Variants in RUNX2 observed in about 807,000 individuals in gnomAD.
The protein encoded by RUNX2 is runt-related transcription factor 2.
RUNX2 carries 10 observed loss-of-function variants against 51.7 expected under a neutral mutation model. The ratio of observed to expected loss-of-function variants is 0.19; its 90% CI spans 0.12 to 0.33. RUNX2 has a LOEUF of 0.33. Ranked by LOEUF, RUNX2 falls within the 10% of genes least tolerant of loss-of-function variation. The pLI, the probability that RUNX2 is intolerant of heterozygous loss-of-function variation, is 1.00. For missense variants in RUNX2, 562 were observed against 691.3 expected (o/e 0.81, Z 2.10); for synonymous variants, 276 against 273.6 (o/e 1.01, Z -0.09).
intron 7 of RUNX2, among the ~76,000 whole-genome samples, chr6:45,528,263 C>T (rs1236947422): frequency 1.3e-5 from 2 of 152,132 alleles, no homozygotes; most frequent in Non-Finnish European, 2.9e-5. Flanking sequence ...TATCAACATT[C>T]TTCTCATTCT....
At chr6:45,418,230 A>G (rs1798106551) in intron 2 of RUNX2, among the ~76,000 whole-genome samples, 1 of 152,232 alleles carries the variant, frequency 6.6e-6, no homozygotes, top group Non-Finnish European at 1.5e-5. Context: ...TAAAAGGCCT[A>G]TGGGTTCTGT....
chr6:45,382,429 T>C (rs1797261087), intron 2 of RUNX2, among the ~76,000 whole-genome samples: 1 of 152,218 alleles, frequency 6.6e-6, no homozygotes, highest in Non-Finnish European at 1.5e-5. Flanking sequence ...ATGGGGAAGA[T>C]GTCATTTTTA....
At chr6:45,351,566 C>T (rs1442918009) in intron 2 of RUNX2, among the ~76,000 whole-genome samples, 1 of 152,114 alleles carries the variant, frequency 6.6e-6, no homozygotes, top group Admixed American at 6.6e-5. Context: ...CAAGGTGATA[C>T]TTGTATTTTC....
At chr6:45,474,593 G>C (rs1474824825) in intron 5 of RUNX2, among the ~76,000 whole-genome samples, 1 of 151,948 alleles carries the variant, frequency 6.6e-6, no homozygotes, top group Non-Finnish European at 1.5e-5. Flanking sequence ...GTTTAGTCTG[G>C]CTGTTGGTAA....
Position 45,462,259 on chromosome 6 carries a change from T to G in RUNX2, c.685+24208T>G, listed in dbSNP as rs9369562. Among the ~76,000 whole-genome samples the G allele has an allele frequency of 1.2e-4, 19 of 152,386 alleles. No individual in the cohort carries two copies. In the East Asian group the frequency reaches 3.7e-3, roughly 29 times the overall value. ...TCTACTTCTAATTCAGTGAAAGTGC[T>G]GCTTGGATCCTTTCCAGGGAAATAA... On this transcript the variant is annotated intron_variant, in intron 5 of 8. Transcript: ENST00000647337.
At chr6:45,437,203 G>A (rs1417163716) in intron 4 of RUNX2, among the ~76,000 whole-genome samples, 1 of 152,180 alleles carries the variant, frequency 6.6e-6, no homozygotes, top group Non-Finnish European at 1.5e-5. Context: ...ATATTTCAAT[G>A]AAGCACACCT....
intron 2 of RUNX2, among the ~76,000 whole-genome samples, chr6:45,364,127 AT>A (rs1192782162): frequency 6.8e-6 from 1 of 146,036 alleles, no homozygotes; most frequent in South Asian, 2.2e-4. Context: ...AAAAAAAAAA[AT>A]TTAATAATAA....
intron 2 of RUNX2, among the ~76,000 whole-genome samples, chr6:45,378,918 A>G (rs903569236): frequency 6.6e-6 from 1 of 152,134 alleles, no homozygotes; most frequent in Admixed American, 6.6e-5. Context: ...TCACCTTCAC[A>G]CCTGTGTTGT....
intron 2 of RUNX2, among the ~76,000 whole-genome samples, chr6:45,404,970 T>C (rs1296767031): frequency 6.6e-6 from 1 of 152,232 alleles, no homozygotes; most frequent in Non-Finnish European, 1.5e-5. Flanking sequence ...TGCTGGAAAA[T>C]TTTTCATTGA....
At chr6:45,512,097 A>G (rs952882552) in intron 6 of RUNX2, 149 bp from the exon 7 acceptor site, 16 of 673,434 alleles carry the variant, frequency 2.4e-5, no homozygotes, top group Admixed American at 5.4e-5. Context: ...TATAAGAGAT[A>G]AATAGCCATT....
intron 4 of RUNX2, among the ~76,000 whole-genome samples, chr6:45,433,858 A>T (rs967958860): frequency 1.3e-5 from 2 of 152,172 alleles, no homozygotes; most frequent in African/African-American, 4.8e-5. Flanking sequence ...TCTTTTGATG[A>T]AGTGTAATTA....
At chr6:45,471,366 G>A (rs1353704082) in intron 5 of RUNX2, among the ~76,000 whole-genome samples, 2 of 151,920 alleles carry the variant, frequency 1.3e-5, no homozygotes, top group East Asian at 3.9e-4. Context: ...TGAAAAGCAG[G>A]GTGTTTTGTG....
chr6:45,428,838 C>T (rs1446917289), intron 3 of RUNX2, among the ~76,000 whole-genome samples: 10 of 131,046 alleles, frequency 7.6e-5, no homozygotes, highest in Admixed American at 1.6e-4. Context: ...GGGCAGATTG[C>T]TTTTTTTTTT....
intron 2 of RUNX2, among the ~76,000 whole-genome samples, chr6:45,362,818 T>G (rs1283391456): frequency 6.6e-6 from 1 of 150,772 alleles, no homozygotes; most frequent in Non-Finnish European, 1.5e-5. Context: ...AAGAAAGTGC[T>G]GAATTTAGCC....
intron 2 of RUNX2, among the ~76,000 whole-genome samples, chr6:45,376,646 T>C (rs1796817897): frequency 6.6e-6 from 1 of 152,202 alleles, no homozygotes; most frequent in African/African-American, 2.4e-5. Context: ...TAAGAAACTT[T>C]CCATAGCACA....
chr6:45,512,418 T>C lies in RUNX2; in HGVS notation c.1021+11T>C, dbSNP rs761301062. 2 of 1,613,550 alleles carry C rather than the reference T, an allele frequency of 1.2e-6. No homozygotes were observed. Among genetic ancestry groups the C allele is most frequent in the African/African-American group, 2.7e-5 (2 of 74,884 alleles). On this transcript the variant is annotated intron_variant, in intron 7 of 8. Coordinates refer to ENST00000647337, the MANE Select transcript of RUNX2 (RefSeq NM_001024630.4). ...CTAGGCGCATTTCAGGTAAAGACCG[T>C]GCTTTAACTAAAAATCCATCCCTGC...
At chr6:45,488,991 A>G (rs1017066213) in intron 5 of RUNX2, among the ~76,000 whole-genome samples, 4 of 152,262 alleles carry the variant, frequency 2.6e-5, no homozygotes, top group Non-Finnish European at 4.4e-5. Flanking sequence ...TTCGAGTGTT[A>G]CCCTGATGTG....
intron 2 of RUNX2, among the ~76,000 whole-genome samples, chr6:45,350,289 A>G (rs1427776309): frequency 6.6e-6 from 1 of 152,240 alleles, no homozygotes; most frequent in African/African-American, 2.4e-5. Flanking sequence ...AACAAAAAAC[A>G]TTTGTATATA....
At chr6:45,455,120 A>G (rs529868577) in intron 5 of RUNX2, among the ~76,000 whole-genome samples, 1 of 152,322 alleles carries the variant, frequency 6.6e-6, no homozygotes, top group East Asian at 1.9e-4. Flanking sequence ...AAGAAAAAAA[A>G]GAAAAGAAAA....
Sources: allele counts gnomAD v4.1 joint callset (sites outside exome capture counted in the v4.1 genomes callset), GRCh38; gene constraint gnomAD v4.1.1; transcripts MANE v1.5; gene names NCBI Gene and HGNC (gene_info 2026-07-23, HGNC 2026-07-21).